Variants in IP6K1 observed in about 807,000 individuals in gnomAD.
IP6K1 encodes inositol hexakisphosphate kinase 1.
Under a neutral mutation model 38.3 loss-of-function variants are expected in IP6K1, and 13 were observed. That is an observed-to-expected ratio of 0.34 (90% CI 0.22 to 0.54). The LOEUF (loss-of-function observed/expected upper bound fraction) is 0.54. Among genes scored for constraint, IP6K1 ranks in the 20% least tolerant of loss-of-function variants. The probability of loss-of-function intolerance (pLI) is 0.92; values close to 1 mark genes in which losing one functional copy is unlikely to be tolerated. For missense variants in IP6K1, 397 were observed against 599.8 expected (o/e 0.66, Z 3.53); for synonymous variants, 212 against 229.9 (o/e 0.92, Z 0.70).
Position 49,727,603 on chromosome 3 carries a change from C to T in IP6K1, c.845G>A (p.Arg282His). The T allele has an allele frequency of 6.2e-7, 1 of 1,614,192 alleles. No individual in the cohort carries two copies. Among genetic ancestry groups the T allele is most frequent in the Non-Finnish European group, 8.5e-7 (1 of 1,180,024 alleles). The change falls in exon 6 of 6, where the codon CGT becomes CAT. Residue 282 changes from arginine to histidine, a missense_variant. Arg to His is a conservative substitution (Grantham distance 29). Transcript: ENST00000321599. The surrounding 1 kb of genome is among the most constrained non-coding windows in gnomAD (Gnocchi z 5.9). ...GCGGAAGCCTTCAATGGAGAGCCCA[C>T]GGCCATAGTACTTGTTCCTGCAGAG... The part of the protein sequence containing the change: ...HYLCRNKYYG[R>H]GLSIEGFRNA...
At chr3:49,731,887 CAAAAA>C (rs71080545) in intron 4 of IP6K1, among the ~76,000 whole-genome samples, 1 of 65,340 alleles carries the variant, frequency 1.5e-5, no homozygotes. Context: ...GACTCTGTCT[CAAAAA>C]AAAAAAAAAA....
At chr3:49,728,388 T>G (rs2080531106) in intron 4 of IP6K1, 110 bp from the exon 5 acceptor site, 1 of 996,656 alleles carries the variant, frequency 1.0e-6, no homozygotes, top group Non-Finnish European at 1.5e-6. Flanking sequence ...CAGTATGTAC[T>G]TGTCTCAAAC....
At chr3:49,737,554 T>TGC (rs764612387) in intron 3 of IP6K1, among the ~76,000 whole-genome samples, 40 of 152,052 alleles carry the variant, frequency 2.6e-4, no homozygotes, top group Non-Finnish European at 3.7e-4. Context: ...GGTGTGGTGG[T>TGC]GCACGCCTGT....
rs974048726 is a variant in IP6K1, at chr3:49,762,860, C to G, written c.-128-14692G>C. ...AATCCCAGCTCATGGCAACCTCTGT[C>G]TCCCAGGTTCAAGTGATTCTCCTGC... On this transcript the variant is annotated intron_variant, in intron 1 of 5. Coordinates refer to ENST00000321599, the MANE Select transcript of IP6K1 (RefSeq NM_153273.4). 4.0e-5 allele frequency among the ~76,000 whole-genome samples: 6 copies of G among 151,840 alleles called. No individual in the cohort carries two copies. The South Asian group carries it at 1.0e-3, about 26-fold the overall frequency.
At chr3:49,742,465 C>T (rs760456870) in intron 2 of IP6K1, among the ~76,000 whole-genome samples, 4 of 152,068 alleles carry the variant, frequency 2.6e-5, no homozygotes, top group Non-Finnish European at 5.9e-5. Flanking sequence ...AGGAGAATGG[C>T]GTGAGCCCGG....
At chr3:49,780,991 A>G (rs1299806322) in intron 1 of IP6K1, among the ~76,000 whole-genome samples, 1 of 152,220 alleles carries the variant, frequency 6.6e-6, no homozygotes, top group East Asian at 1.9e-4. Context: ...ACAGGCGCAA[A>G]AAGACACAAA....
In IP6K1 at chr3:49,728,253, C is replaced by G; in HGVS notation, c.642G>C (p.Val214=). Residue 214 remains valine (V), a synonymous_variant, in exon 5 of 6, where the codon GTG becomes GTC. Transcript: ENST00000321599. ...LYKFLLLENV[V]HHFKYPCVLD... is the part of the protein sequence containing the mutation. ...ACACGCAGGGGTACTTGAAGTGGTG[C>G]ACCACGTTCTCAAGCAGGAGGAACT... 1 of 1,613,856 alleles carries G rather than the reference C, an allele frequency of 6.2e-7. No individual in the cohort carries two copies. The highest frequency in any genetic ancestry group is 8.5e-7 in the Non-Finnish European group (1 of 1,179,770).
intron 2 of IP6K1, among the ~76,000 whole-genome samples, chr3:49,743,667 TG>T (rs1254076281): frequency 6.7e-6 from 1 of 148,186 alleles, no homozygotes; most frequent in Admixed American, 6.9e-5. Context: ...TTGCCCAGGC[TG>T]GAATGCAATG....
intron 1 of IP6K1, among the ~76,000 whole-genome samples, chr3:49,766,594 G>A (rs142379837): frequency 3.4e-5 from 5 of 146,758 alleles, no homozygotes; most frequent in East Asian, 4.1e-4. Flanking sequence ...AACCCGGGAC[G>A]CAGAGGTTGC....
chr3:49,761,927 CAG>C (rs1559711713), intron 1 of IP6K1, among the ~76,000 whole-genome samples: 1 of 151,904 alleles, frequency 6.6e-6, no homozygotes, highest in Non-Finnish European at 1.5e-5. Context: ...GCCTGGGTGA[CAG>C]AGTGAAACCC....
At position 49,779,431 on chromosome 3, in the gene IP6K1, G is replaced by A. The variant is rs560141279; in HGVS notation, c.-129+6923C>T. ...GAATAATGCTGCCATAAACATTCAT[G>A]TACAAGTTTTTGTGTGAACATTTGT... On this transcript the variant is annotated intron_variant, in intron 1 of 5. Transcript: ENST00000321599. Among the ~76,000 whole-genome samples the A allele has an allele frequency of 9.3e-4, 141 of 152,238 alleles. No individual in the cohort carries two copies. In the Middle Eastern group the frequency reaches 0.014, roughly 15 times the overall value.
chr3:49,732,826 C>T lies in IP6K1; in HGVS notation c.581G>A (p.Arg194His), dbSNP rs764447707. ...SLRCHKQQLS[R>H]MRSESKDRKL... is the part of the protein sequence containing the mutation. Reference sequence around the variant, plus strand: ...TCGGTCCTTGGACTCGGAGCGCATGCGGCTCAGCTGCTGCTTGTGACAACG... The same window carrying T: ...TCGGTCCTTGGACTCGGAGCGCATGTGGCTCAGCTGCTGCTTGTGACAACG... The change falls in exon 4 of 6, where the codon CGC becomes CAC. Residue 194 changes from arginine to histidine, a missense_variant. Physicochemically the swap from Arg to His is conservative, Grantham distance 29 (BLOSUM62 0). Coordinates refer to ENST00000321599, the MANE Select transcript of IP6K1 (RefSeq NM_153273.4). 12 of 1,613,738 alleles carry T rather than the reference C, an allele frequency of 7.4e-6. No homozygotes were observed. Among genetic ancestry groups the T allele is most frequent in the Non-Finnish European group, 1.0e-5 (12 of 1,179,840 alleles).
At chr3:49,732,686 C>A in intron 4 of IP6K1, 105 bp downstream of exon 4, 2 of 850,948 alleles carry the variant, frequency 2.4e-6, no homozygotes, top group South Asian at 2.2e-5. Context: ...GAGATTAAAC[C>A]GAAGAGGGAC....
intron 4 of IP6K1, among the ~76,000 whole-genome samples, chr3:49,730,673 A>G (rs2080554158): frequency 6.6e-6 from 1 of 151,894 alleles, no homozygotes; most frequent in Admixed American, 6.6e-5. Flanking sequence ...TAGCCTCCCA[A>G]GTAGCTGGAA....
chr3:49,738,536 C>G, intron 2 of IP6K1, 114 bp from the exon 3 acceptor site: 2 of 750,514 alleles, frequency 2.7e-6, no homozygotes, highest in Non-Finnish European at 4.7e-6. Context: ...TGCCCTGAAC[C>G]AACTACAGAT....
chr3:49,745,797 T>C (rs1314388036), intron 2 of IP6K1, among the ~76,000 whole-genome samples: 5 of 143,488 alleles, frequency 3.5e-5, no homozygotes, highest in Admixed American at 3.0e-4. Context: ...GAGATTGCAG[T>C]GAGCCGAGAT....
chr3:49,770,757 G>A (rs7431078), intron 1 of IP6K1, among the ~76,000 whole-genome samples: 40,102 of 152,092 alleles, frequency 0.26, 5,585 homozygotes, highest in Non-Finnish European at 0.31. Flanking sequence ...AACACAGAAA[G>A]CAATAACCAT....
intron 3 of IP6K1, among the ~76,000 whole-genome samples, chr3:49,735,963 C>CTGGA (rs2080607218): frequency 6.6e-6 from 1 of 152,200 alleles, no homozygotes; most frequent in African/African-American, 2.4e-5. Flanking sequence ...GTTGCCCAGG[C>CTGGA]TGGAGTGCAA....
chr3:49,745,149 A>C (rs1446846904), intron 2 of IP6K1, among the ~76,000 whole-genome samples: 2 of 152,164 alleles, frequency 1.3e-5, no homozygotes, highest in African/African-American at 4.8e-5. Context: ...AAAAACAAAC[A>C]CATAGACAAA....
Sources: allele counts gnomAD v4.1 joint callset (sites outside exome capture counted in the v4.1 genomes callset), GRCh38; gene constraint gnomAD v4.1.1; non-coding constraint Gnocchi (gnomAD v3.1); transcripts MANE v1.5; gene names NCBI Gene and HGNC (gene_info 2026-07-23, HGNC 2026-07-21).